The following IGSF6 variants were observed in gnomAD, a reference collection of about 807,000 sequenced individuals.
IGSF6 encodes immunoglobulin superfamily member 6, also known as down-regulated by activation (immunoglobulin superfamily).
In IGSF6, 23 loss-of-function variants were observed where a neutral mutation model predicts 24.7. That is an observed-to-expected ratio of 0.93 (90% CI 0.67 to 1.32). IGSF6 has a LOEUF of 1.32. Ranked by LOEUF, IGSF6 falls within the 40% of genes most tolerant of loss-of-function variation. IGSF6 has a pLI of 0.00. For synonymous variants in IGSF6, 110 were observed against 113.7 expected (o/e 0.97, Z 0.21); for missense variants, 295 against 293.6 (o/e 1.00, Z -0.04).
In IGSF6 at chr16:21,640,610, A is replaced by G. The variant is rs1966231053; in HGVS notation, c.*924T>C. 2 of 149,994 alleles carry G rather than the reference A, an allele frequency of 1.3e-5. No individual in the cohort carries two copies. Among genetic ancestry groups the G allele is most frequent in the Admixed American group, 6.7e-5 (1 of 15,024 alleles). The allele number at this position is 149,994 out of a possible 1,614,324, so 9.3% of individuals were successfully genotyped here. A position where few individuals can be genotyped will look rare whatever the true frequency, so the allele number is the denominator to read the frequency against. On this transcript the variant is annotated 3_prime_UTR_variant, in exon 6 of 6. Coordinates refer to ENST00000268389, the MANE Select transcript of IGSF6 (RefSeq NM_005849.4). ...TACTAAAAATACAAAAAAAAAAAAAAAAAAAAATTAGCCGGGCGTGGTGGT... is the reference window on the plus strand; with the variant it reads ...TACTAAAAATACAAAAAAAAAAAAAGAAAAAAATTAGCCGGGCGTGGTGGT...
chr16:21,649,247 C>T (rs1396538604), intron 1 of IGSF6, among the ~76,000 whole-genome samples: 1 of 152,172 alleles, frequency 6.6e-6, no homozygotes, highest in South Asian at 2.1e-4. Context: ...CTTGCCTCGG[C>T]CTTCCAAAGT....
chr16:21,650,732 C>T (rs1418410051), intron 1 of IGSF6, among the ~76,000 whole-genome samples: 1 of 152,068 alleles, frequency 6.6e-6, no homozygotes, highest in African/African-American at 2.4e-5. Context: ...CTGTGGTTCC[C>T]TCCCCCAACC....
In IGSF6 at chr16:21,647,272, G is replaced by A; in HGVS notation, c.288C>T (p.Leu96=). 1 of 1,614,148 alleles carries A rather than the reference G, an allele frequency of 6.2e-7. No individual in the cohort carries two copies. The highest frequency in any genetic ancestry group is 8.5e-7 in the Non-Finnish European group (1 of 1,180,032). The change falls in exon 2 of 6, where the codon CTC becomes CTT. Residue 96 remains leucine, a synonymous_variant. Transcript: ENST00000268389. The stretch of plus-strand genomic sequence containing the variant: ...CAGTGAGGGAAACTTGGTTTTCTTT[G>A]AGGGCCTCCCTCACTGTGAACTTGT... ...EADKFTVREA[L]KENQVSLTVN... is the part of the protein sequence containing the mutation.
intron 1 of IGSF6, among the ~76,000 whole-genome samples, chr16:21,649,264 A>G (rs1281501808): frequency 6.6e-6 from 1 of 152,170 alleles, no homozygotes; most frequent in Non-Finnish European, 1.5e-5. Flanking sequence ...AAGTGCTGGG[A>G]TTACAGGTGT....
At chr16:21,649,955 C>T (rs577524777) in intron 1 of IGSF6, among the ~76,000 whole-genome samples, 30 of 152,212 alleles carry the variant, frequency 2.0e-4, no homozygotes, top group Admixed American at 1.4e-3. Context: ...GCAATCCACT[C>T]GCCTCAGCCT....
At chr16:21,643,421 T>G in intron 4 of IGSF6, 127 bp downstream of exon 4, 1 of 668,574 alleles carries the variant, frequency 1.5e-6, no homozygotes, top group Non-Finnish European at 2.5e-6. Context: ...TGTCTGCAGT[T>G]GAAAGTTACC....
chr16:21,640,623 C>G lies in IGSF6; in HGVS notation c.*911G>C, dbSNP rs932703983. The G allele has an allele frequency of 4.0e-5, 6 of 149,038 alleles. No homozygotes were observed. Among genetic ancestry groups the G allele is most frequent in the Non-Finnish European group, 5.9e-5 (4 of 67,376 alleles). 9.2% of individuals were successfully genotyped at this position (149,038 alleles called of 1,614,324 possible). On this transcript the variant is annotated 3_prime_UTR_variant, in exon 6 of 6. Coordinates refer to ENST00000268389, the MANE Select transcript of IGSF6 (RefSeq NM_005849.4). The stretch of plus-strand genomic sequence containing the variant: ...AAAAAAAAAAAAAAAAAAAATTAGC[C>G]GGGCGTGGTGGTGCGTACCTGTAAT...
At chr16:21,651,684 T>C (rs1966579926) in intron 1 of IGSF6, among the ~76,000 whole-genome samples, 2 of 152,276 alleles carry the variant, frequency 1.3e-5, no homozygotes, top group South Asian at 4.1e-4. Flanking sequence ...ATCACATGGC[T>C]TCGACCCAAT....
At chr16:21,648,147 C>T (rs528843737) in intron 1 of IGSF6, among the ~76,000 whole-genome samples, 21 of 152,258 alleles carry the variant, frequency 1.4e-4, no homozygotes, top group African/African-American at 4.8e-4. Context: ...CATATGAGCT[C>T]GCCAGGCCAT....
rs1966601508 is a variant in IGSF6 at position 21,652,461 on chromosome 16, T to C, written c.67+71A>G. On this transcript the variant is annotated intron_variant, in intron 1 of 5. Transcript: ENST00000268389. ...AAAATTAATCTGAAGGAGCTTAAAA[T>C]ATAAATGCATTAGGTGAAAAATAGC... The C allele has an allele frequency of 4.9e-6, 6 of 1,213,770 alleles. No individual in the cohort carries two copies. In the South Asian group the frequency reaches 6.7e-5, roughly 14 times the overall value. 75.2% of individuals were successfully genotyped at this position (1,213,770 alleles called of 1,614,324 possible).
At chr16:21,649,034 A>G (rs1216569412) in intron 1 of IGSF6, among the ~76,000 whole-genome samples, 1 of 152,050 alleles carries the variant, frequency 6.6e-6, no homozygotes, top group African/African-American at 2.4e-5. Flanking sequence ...TCTGTCTCCC[A>G]GGCTGGAGTG....
At chr16:21,650,010 C>T (rs1057347531) in intron 1 of IGSF6, among the ~76,000 whole-genome samples, 9 of 152,192 alleles carry the variant, frequency 5.9e-5, no homozygotes, top group East Asian at 5.8e-4. Context: ...AAGAGCCAGG[C>T]GTGGTGGTGT....
At chr16:21,651,304 G>A (rs1228622639) in intron 1 of IGSF6, among the ~76,000 whole-genome samples, 1 of 152,062 alleles carries the variant, frequency 6.6e-6, no homozygotes, top group Non-Finnish European at 1.5e-5. Flanking sequence ...TATCTAGTAA[G>A]TAAGAAGTAA....
intron 1 of IGSF6, 99 bp downstream of exon 1, chr16:21,652,433 T>C: frequency 1.1e-6 from 1 of 916,436 alleles, no homozygotes; most frequent in Non-Finnish European, 1.7e-6. Flanking sequence ...TGTTATACAT[T>C]TAAAAATTAA....
intron 1 of IGSF6, chr16:21,652,081 G>A (rs1411676317): frequency 6.6e-6 from 1 of 151,794 alleles, no homozygotes; most frequent in African/African-American, 2.4e-5. Flanking sequence ...GAAGTAGACA[G>A]AATTTTAAAA....
intron 5 of IGSF6, among the ~76,000 whole-genome samples, chr16:21,642,810 A>G (rs1275555946): frequency 6.6e-6 from 1 of 152,224 alleles, no homozygotes; most frequent in Non-Finnish European, 1.5e-5. Flanking sequence ...CATTGTCTGT[A>G]TTGAAAACAT....
At chr16:21,642,874 G>A (rs1370660380) in intron 5 of IGSF6, among the ~76,000 whole-genome samples, 200 bp downstream of exon 5, 1 of 152,096 alleles carries the variant, frequency 6.6e-6, no homozygotes, top group Non-Finnish European at 1.5e-5. Context: ...ATGCCAGCCT[G>A]GGGCTATTTA....
chr16:21,648,493 A>T (rs2141621062), intron 1 of IGSF6, among the ~76,000 whole-genome samples: 1 of 152,256 alleles, frequency 6.6e-6, no homozygotes, highest in Admixed American at 6.5e-5. Flanking sequence ...TGTTGGAGAG[A>T]TGGTTGTGGA....
intron 1 of IGSF6, among the ~76,000 whole-genome samples, chr16:21,648,895 C>A (rs1234126774): frequency 6.6e-6 from 1 of 152,162 alleles, no homozygotes; most frequent in African/African-American, 2.4e-5. Flanking sequence ...CTTAGCGTTT[C>A]TCTTATGGAT....
Sources: gnomAD v4.1 joint callset for allele counts (sites outside exome capture counted in the v4.1 genomes callset) on GRCh38, gnomAD v4.1.1 for gene constraint, MANE v1.5 for transcripts, NCBI Gene and HGNC (gene_info 2026-07-23, HGNC 2026-07-21) for gene names.